GRIN2A: variants seen among roughly 807,000 people sequenced by gnomAD.
GRIN2A encodes glutamate receptor ionotropic, NMDA 2A.
A neutral mutation model predicts 113.4 loss-of-function variants in GRIN2A; 22 were observed. That is an observed-to-expected ratio of 0.19 (90% CI 0.14 to 0.28). The LOEUF is 0.28. Among genes scored for constraint, GRIN2A ranks in the 10% least tolerant of loss-of-function variants. The probability of loss-of-function intolerance (pLI) is 1.00; values close to 1 mark genes in which losing one functional copy is unlikely to be tolerated. For synonymous variants in GRIN2A, 827 were observed against 738.4 expected (o/e 1.12, Z -1.94); for missense variants, 1,502 against 1,887.0 (o/e 0.80, Z 3.78).
chr16:9,921,556 T>C (rs1248964552), intron 3 of GRIN2A, among the ~76,000 whole-genome samples: 1 of 152,232 alleles, frequency 6.6e-6, no homozygotes, highest in Non-Finnish European at 1.5e-5. Context: ...TTCACAGAGA[T>C]GTTGTGACAA....
At chr16:9,787,297 A>G (rs1278984592) in intron 11 of GRIN2A, among the ~76,000 whole-genome samples, 1 of 152,174 alleles carries the variant, frequency 6.6e-6, no homozygotes, top group Non-Finnish European at 1.5e-5. Flanking sequence ...TTAACCCAGA[A>G]AGTCCTTTCT....
At chr16:9,777,210 T>C (rs1241058769) in intron 11 of GRIN2A, among the ~76,000 whole-genome samples, 1 of 152,072 alleles carries the variant, frequency 6.6e-6, no homozygotes, top group African/African-American at 2.4e-5. Context: ...CATGTTGTTT[T>C]AAAGACAAAT....
chr16:9,776,502 G>A (rs1901614504), intron 11 of GRIN2A, among the ~76,000 whole-genome samples: 1 of 152,010 alleles, frequency 6.6e-6, no homozygotes, highest in Non-Finnish European at 1.5e-5. Flanking sequence ...ATCGGTCAGA[G>A]CCCAAGACAG....
intron 2 of GRIN2A, among the ~76,000 whole-genome samples, chr16:10,119,804 A>G (rs183850137): frequency 1.1e-4 from 16 of 152,148 alleles, no homozygotes; most frequent in Admixed American, 1.0e-3. Flanking sequence ...CGCACTGTTT[A>G]GCTCCCACTT....
chr16:9,902,749 C>T (rs1295996998), intron 3 of GRIN2A, among the ~76,000 whole-genome samples: 1 of 151,952 alleles, frequency 6.6e-6, no homozygotes, highest in African/African-American at 2.4e-5. Context: ...TCCTCATCTT[C>T]CCCTACTCCC....
chr16:10,096,688 TCTAA>T (rs954072209), intron 2 of GRIN2A, among the ~76,000 whole-genome samples: 2 of 152,098 alleles, frequency 1.3e-5, no homozygotes, highest in Non-Finnish European at 2.9e-5. Flanking sequence ...ACTCCACTGT[TCTAA>T]CTATCAGTTC....
At chr16:9,987,254 C>T (rs1276580466) in intron 2 of GRIN2A, among the ~76,000 whole-genome samples, 7 of 152,318 alleles carry the variant, frequency 4.6e-5, no homozygotes, top group African/African-American at 1.7e-4. Flanking sequence ...TGATTTTAGG[C>T]ATTAGGCCAA....
Position 10,046,937 on chromosome 16 carries a change from G to A in GRIN2A, c.415-108386C>T, listed in dbSNP as rs556939639. Among the ~76,000 whole-genome samples the A allele has an allele frequency of 2.6e-5, 4 of 152,262 alleles. No individual in the cohort carries two copies. In the South Asian group the frequency reaches 6.2e-4, roughly 24 times the overall value. ...TCAGTTGCTCTACCTTAGTGCTGTTGACAGTTGGAGCTGGTTAATTCTGTG... is the reference window on the plus strand; with the variant it reads ...TCAGTTGCTCTACCTTAGTGCTGTTAACAGTTGGAGCTGGTTAATTCTGTG... On this transcript the variant is annotated intron_variant, in intron 2 of 12. Coordinates refer to ENST00000330684, the MANE Select transcript of GRIN2A (RefSeq NM_001134407.3).
chr16:10,165,973 C>T (rs1448641892), intron 2 of GRIN2A, among the ~76,000 whole-genome samples: 1 of 152,124 alleles, frequency 6.6e-6, no homozygotes, highest in African/African-American at 2.4e-5. Flanking sequence ...ATGCACACAC[C>T]CTAACACCAG....
At chr16:10,014,167 A>G (rs2046560753) in intron 2 of GRIN2A, among the ~76,000 whole-genome samples, 1 of 152,152 alleles carries the variant, frequency 6.6e-6, no homozygotes, top group African/African-American at 2.4e-5. Flanking sequence ...GGGGAGTCTG[A>G]CTTGTCAATA....
chr16:9,971,673 G>T (rs888826000), intron 2 of GRIN2A, among the ~76,000 whole-genome samples: 1 of 152,164 alleles, frequency 6.6e-6, no homozygotes, highest in Non-Finnish European at 1.5e-5. Context: ...ATCTGATCTA[G>T]TTTATCTGAA....
intron 2 of GRIN2A, among the ~76,000 whole-genome samples, chr16:10,099,456 A>G (rs1012743482): frequency 4.0e-5 from 6 of 149,372 alleles, no homozygotes; most frequent in Non-Finnish European, 8.9e-5. Context: ...AGGAAAGAGA[A>G]TGCCATCCTG....
chr16:9,911,307 A>T (rs936153752), intron 3 of GRIN2A, among the ~76,000 whole-genome samples: 1 of 152,192 alleles, frequency 6.6e-6, no homozygotes, highest in African/African-American at 2.4e-5. Flanking sequence ...GGTAACATAG[A>T]GAGATGCTCG....
intron 2 of GRIN2A, among the ~76,000 whole-genome samples, chr16:10,127,028 T>C (rs977768325): frequency 1.3e-5 from 2 of 152,182 alleles, no homozygotes; most frequent in Non-Finnish European, 2.9e-5. Context: ...CCTATCCAAC[T>C]GCTTTCATTA....
intron 2 of GRIN2A, among the ~76,000 whole-genome samples, chr16:10,085,722 A>G (rs566175309): frequency 2.6e-5 from 4 of 152,292 alleles, no homozygotes; most frequent in Non-Finnish European, 5.9e-5. Flanking sequence ...AAGCCAAATG[A>G]TGGTTAGCAA....
chr16:10,039,015 T>A (rs564459965), intron 2 of GRIN2A, among the ~76,000 whole-genome samples: 27 of 151,818 alleles, frequency 1.8e-4, no homozygotes, highest in South Asian at 4.2e-4. Flanking sequence ...AGCAGCAAAT[T>A]CACTGCGTGT....
intron 11 of GRIN2A, 52 bp downstream of exon 11, chr16:9,798,225 G>A (rs1474619505): frequency 4.2e-5 from 61 of 1,448,452 alleles, no homozygotes; most frequent in Middle Eastern, 1.8e-4. Context: ...CAAACAAAGC[G>A]AGTGTGAGGG....
At chr16:10,161,190 G>A (rs2049801933) in intron 2 of GRIN2A, among the ~76,000 whole-genome samples, 1 of 152,180 alleles carries the variant, frequency 6.6e-6, no homozygotes, top group African/African-American at 2.4e-5. Flanking sequence ...GTTCTCACAA[G>A]ATCTGATGGT....
chr16:10,012,802 G>C (rs922750997), intron 2 of GRIN2A, among the ~76,000 whole-genome samples: 1 of 152,216 alleles, frequency 6.6e-6, no homozygotes, highest in African/African-American at 2.4e-5. Context: ...TCCAGAAAGA[G>C]TTCAGCCCTA....
Sources: gnomAD v4.1 joint callset for allele counts (sites outside exome capture counted in the v4.1 genomes callset) on GRCh38, gnomAD v4.1.1 for gene constraint, MANE v1.5 for transcripts, NCBI Gene and HGNC (gene_info 2026-07-23, HGNC 2026-07-21) for gene names.